The following SYNJ2 variants were observed in gnomAD, a reference collection of about 807,000 sequenced individuals.
SYNJ2 encodes the protein polyphosphatidylinositol phosphatase SYNJ2.
Under a neutral mutation model 141.3 loss-of-function variants are expected in SYNJ2, and 116 were observed. That is an observed-to-expected ratio of 0.82 (90% CI 0.71 to 0.96). The LOEUF (loss-of-function observed/expected upper bound fraction) is 0.96, where lower values mean the gene tolerates loss of function less well. SYNJ2 is among the 40% of genes least tolerant of loss of function. The pLI, the probability that SYNJ2 is intolerant of heterozygous loss-of-function variation, is 0.00. For missense variants in SYNJ2, 1,873 were observed against 1,934.8 expected (o/e 0.97, Z 0.60); for synonymous variants, 745 against 777.7 (o/e 0.96, Z 0.70).
At chr6:158,074,028 A>C (rs1782110318) in intron 15 of SYNJ2, among the ~76,000 whole-genome samples, 1 of 152,028 alleles carries the variant, frequency 6.6e-6, no homozygotes, top group Middle Eastern at 3.4e-3. Context: ...CCTGGGGAAG[A>C]GACAGGGAAG....
chr6:158,005,747 T>C (rs1778045366), intron 1 of SYNJ2, among the ~76,000 whole-genome samples: 1 of 151,490 alleles, frequency 6.6e-6, no homozygotes, highest in Non-Finnish European at 1.5e-5. Flanking sequence ...TCCCCTTTCC[T>C]CAGCTCTGCT....
chr6:158,000,877 CA>C (rs1204271596), intron 1 of SYNJ2, among the ~76,000 whole-genome samples: 1 of 152,150 alleles, frequency 6.6e-6, no homozygotes, highest in Non-Finnish European at 1.5e-5. Flanking sequence ...TCCTTTGGGC[CA>C]CAGCTCCTCT....
At chr6:158,011,341 A>C (rs1778263518) in intron 1 of SYNJ2, among the ~76,000 whole-genome samples, 1 of 152,066 alleles carries the variant, frequency 6.6e-6, no homozygotes, top group Admixed American at 6.5e-5. Context: ...GACCCAGAAG[A>C]GAATGAAGTT....
In SYNJ2 at chr6:157,993,797, GTTTT is replaced by G. The variant is rs61529071; in HGVS notation, c.127+11741_127+11744del. Among the ~76,000 whole-genome samples, 228 of 47,686 alleles carry G rather than the reference GTTTT, an allele frequency of 4.8e-3. 1 individual carries two copies. Among genetic ancestry groups the G allele is most frequent in the Middle Eastern group, 0.028 (1 of 36 alleles). The allele number at this position is 47,686 out of a possible 152,430, so 31.3% of individuals were successfully genotyped here. A position where few individuals can be genotyped will look rare whatever the true frequency, so the allele number is the denominator to read the frequency against. On this transcript the variant is annotated intron_variant, in intron 1 of 26. Transcript: ENST00000355585. ...AGTTTGTGTGTCTGGAAATGTGTGGGTTTTTTTTTTTTTTTTTTTTTTTTTTTTT... is the reference window on the plus strand; with the variant it reads ...AGTTTGTGTGTCTGGAAATGTGTGGGTTTTTTTTTTTTTTTTTTTTTTTTT...
At chr6:158,006,294 T>C (rs1778068939) in intron 1 of SYNJ2, among the ~76,000 whole-genome samples, 1 of 152,158 alleles carries the variant, frequency 6.6e-6, no homozygotes, top group Non-Finnish European at 1.5e-5. Context: ...GAGAATCATC[T>C]GTTGCCACTG....
chr6:158,064,550 C>T, intron 9 of SYNJ2, 51 bp from the exon 10 acceptor site: 1 of 1,598,616 alleles, frequency 6.3e-7, no homozygotes, highest in South Asian at 1.1e-5. Flanking sequence ...ACAGTGGCTG[C>T]AGGGCCTCTG....
intron 15 of SYNJ2, among the ~76,000 whole-genome samples, chr6:158,074,156 A>T (rs1290632207): frequency 6.6e-6 from 1 of 152,122 alleles, no homozygotes. Context: ...AAGCTCAGGA[A>T]GTTACATGAA....
At chr6:158,010,704 A>G (rs1998791) in intron 1 of SYNJ2, among the ~76,000 whole-genome samples, 110,661 of 152,086 alleles carry the variant, frequency 0.73, 41,089 homozygotes, top group African/African-American at 0.85. Flanking sequence ...CTGAGATGAG[A>G]TTATACTGGA....
At position 158,086,810 on chromosome 6, in the gene SYNJ2, C is replaced by T. The variant is rs530846845; in HGVS notation, c.3209-45C>T. ...CTCAGATCCGTGTCTGACACGCTCACGTGTGGAACAGACCATTGTACTCAT... is the reference window on the plus strand; with the variant it reads ...CTCAGATCCGTGTCTGACACGCTCATGTGTGGAACAGACCATTGTACTCAT... On this transcript the variant is annotated intron_variant, in intron 22 of 26. Coordinates refer to ENST00000355585, the MANE Select transcript of SYNJ2 (RefSeq NM_003898.4). The T allele has an allele frequency of 2.4e-5, 39 of 1,602,730 alleles. No individual in the cohort carries two copies. In the South Asian group the frequency reaches 3.4e-4, roughly 14 times the overall value.
chr6:158,060,717 T>C (rs947653785), intron 7 of SYNJ2, among the ~76,000 whole-genome samples: 3 of 152,208 alleles, frequency 2.0e-5, no homozygotes, highest in Non-Finnish European at 2.9e-5. Context: ...GGGAAAAAGC[T>C]AAAAAATAAG....
chr6:158,086,476 C>T (rs893692933), intron 22 of SYNJ2, among the ~76,000 whole-genome samples: 3 of 152,150 alleles, frequency 2.0e-5, no homozygotes, highest in African/African-American at 4.8e-5. Flanking sequence ...CTTCCTCAGC[C>T]GGTGTGTTCT....
At position 158,043,171 on chromosome 6, in the gene SYNJ2, T is replaced by G; in HGVS notation, c.712-145T>G. ...CGAGAGGTCAGGGCGCATTGCCGGATGGGGGAGCAGAGGACGCCGGAGTCC... is the reference window on the plus strand; with the variant it reads ...CGAGAGGTCAGGGCGCATTGCCGGAGGGGGGAGCAGAGGACGCCGGAGTCC... On this transcript the variant is annotated intron_variant, in intron 4 of 26. Coordinates refer to ENST00000355585, the MANE Select transcript of SYNJ2 (RefSeq NM_003898.4). This position sits in a 1 kb window ranked among gnomAD's most constrained non-coding sequence, Gnocchi z 4.0. The G allele has an allele frequency of 1.3e-5, 8 of 638,526 alleles. No homozygotes were observed. Among genetic ancestry groups the G allele is most frequent in the East Asian group, 2.9e-5 (1 of 34,306 alleles). 39.6% of individuals were successfully genotyped at this position (638,526 alleles called of 1,614,324 possible).
At position 158,088,725 on chromosome 6, in the gene SYNJ2, T is replaced by G; in HGVS notation, c.3409T>G (p.Ser1137Ala). 1 of 1,614,110 alleles carries G rather than the reference T, an allele frequency of 6.2e-7. No homozygotes were observed. Among genetic ancestry groups the G allele is most frequent in the South Asian group, 1.1e-5 (1 of 91,088 alleles). Residue 1137 changes from serine to alanine, a missense_variant, in exon 24 of 27, where the codon TCA becomes GCA. By Grantham distance (99) the Ser-to-Ala change is moderately conservative (BLOSUM62 1). Transcript: ENST00000355585. ...SISSGTHGQY[S>A]ILQTARLLPG... ...CTCCTCCGGCACCCATGGACAGTATTCAATTTTGCAGACGGCAAGACTTCT... is the reference window on the plus strand; with the variant it reads ...CTCCTCCGGCACCCATGGACAGTATGCAATTTTGCAGACGGCAAGACTTCT...
At chr6:158,077,646 T>C (rs1782387670) in intron 17 of SYNJ2, 1 of 97,002 alleles carries the variant, frequency 1.0e-5, no homozygotes, top group Non-Finnish European at 2.1e-5. Context: ...CTGTAACTAG[T>C]ACATAAAAAA....
chr6:158,087,801 TTGA>T (rs1225246308), intron 23 of SYNJ2, among the ~76,000 whole-genome samples: 2 of 151,800 alleles, frequency 1.3e-5, no homozygotes, highest in Non-Finnish European at 1.5e-5. Context: ...TAAAATTCAC[TTGA>T]TGACCTACGG....
intron 1 of SYNJ2, among the ~76,000 whole-genome samples, chr6:158,006,219 GCA>G (rs1264862999): frequency 2.6e-5 from 4 of 151,970 alleles, no homozygotes; most frequent in Admixed American, 2.0e-4. Context: ...ACACACATGC[GCA>G]CACACGTATG....
rs768803714 is a variant in SYNJ2, at chr6:158,071,116, A to G, written c.1941-486A>G. On this transcript the variant is annotated intron_variant, in intron 14 of 26. Coordinates refer to ENST00000355585, the MANE Select transcript of SYNJ2 (RefSeq NM_003898.4). The surrounding 1 kb of genome is among the most constrained non-coding windows in gnomAD (Gnocchi z 4.3). ...GAGAATTGCTTGAACCTGGGAGGCCACAGTTGCAGTGAGCTGAGATCACGC... is the reference window on the plus strand; with the variant it reads ...GAGAATTGCTTGAACCTGGGAGGCCGCAGTTGCAGTGAGCTGAGATCACGC... 6.6e-6 allele frequency among the ~76,000 whole-genome samples: 1 copy of G among 152,134 alleles called. No homozygotes were observed. The highest frequency in any genetic ancestry group is 1.5e-5 in the Non-Finnish European group (1 of 68,030).
chr6:157,988,470 TGAGTACTCTG>T (rs1777291172), intron 1 of SYNJ2, among the ~76,000 whole-genome samples: 1 of 152,182 alleles, frequency 6.6e-6, no homozygotes, highest in Non-Finnish European at 1.5e-5. Context: ...GCAGCACTCA[TGAGTACTCTG>T]GCCCCAGACC....
intron 1 of SYNJ2, among the ~76,000 whole-genome samples, chr6:157,987,159 G>A (rs1364805059): frequency 1.3e-5 from 2 of 151,910 alleles, no homozygotes; most frequent in African/African-American, 4.8e-5. Context: ...GCTAATTTTT[G>A]TATTTTTAGT....
Sources: allele counts gnomAD v4.1 joint callset (sites outside exome capture counted in the v4.1 genomes callset), GRCh38; gene constraint gnomAD v4.1.1; non-coding constraint Gnocchi (gnomAD v3.1); transcripts MANE v1.5; gene names NCBI Gene and HGNC (gene_info 2026-07-23, HGNC 2026-07-21).